The following USO1 variants were observed in gnomAD, a reference collection of about 807,000 sequenced individuals.
USO1 encodes general vesicular transport factor p115.
In USO1, 57 loss-of-function variants were observed where a neutral mutation model predicts 124.5. That is an observed-to-expected ratio of 0.46 (90% confidence interval 0.37 to 0.57). USO1 has a LOEUF of 0.57. Among genes scored for constraint, USO1 ranks in the 20% least tolerant of loss-of-function variants. The probability of loss-of-function intolerance (pLI) is 0.00; values close to 1 mark genes in which losing one functional copy is unlikely to be tolerated. For missense variants in USO1, 900 were observed against 1,040.6 expected, an observed-to-expected ratio of 0.86 and a Z score of 1.86; for synonymous variants, 369 against 362.8, an observed-to-expected ratio of 1.02 and a Z score of -0.19.
intron 12 of USO1, among the ~76,000 whole-genome samples, chr4:75,791,353 G>A (rs548976818): frequency 3.3e-5 from 5 of 152,176 alleles, no homozygotes; most frequent in South Asian, 2.1e-4. Flanking sequence ...GTGAAACCCC[G>A]TCTCTACTAA....
At chr4:75,738,631 C>T (rs1366764113) in intron 1 of USO1, among the ~76,000 whole-genome samples, 1 of 151,980 alleles carries the variant, frequency 6.6e-6, no homozygotes, top group Non-Finnish European at 1.5e-5. Flanking sequence ...GTGTACAACA[C>T]AATGCTTGGC....
At chr4:75,799,961 T>G (rs76562585) in intron 14 of USO1, among the ~76,000 whole-genome samples, 3 of 151,784 alleles carry the variant, frequency 2.0e-5, no homozygotes, top group African/African-American at 7.3e-5. Flanking sequence ...TTTTTTTTTT[T>G]GAAATGAAGT....
intron 13 of USO1, among the ~76,000 whole-genome samples, chr4:75,794,617 A>G (rs1482265593): frequency 1.3e-5 from 2 of 152,218 alleles, no homozygotes; most frequent in Admixed American, 1.3e-4. Context: ...AGAGTCACTC[A>G]GGGAAAGTAA....
chr4:75,801,730 C>A (rs1453926180), intron 17 of USO1, among the ~76,000 whole-genome samples: 1 of 152,204 alleles, frequency 6.6e-6, no homozygotes, highest in Non-Finnish European at 1.5e-5. Flanking sequence ...CAGTTTATGG[C>A]AGGTGTGGCA....
chr4:75,744,975 G>T, intron 1 of USO1: 2 of 475,272 alleles, frequency 4.2e-6, no homozygotes, highest in East Asian at 5.8e-5. Flanking sequence ...TTATTTTTTA[G>T]GACCCCAAGC....
At chr4:75,762,949 G>A (rs1415938545) in intron 4 of USO1, among the ~76,000 whole-genome samples, 2 of 152,166 alleles carry the variant, frequency 1.3e-5, no homozygotes, top group Non-Finnish European at 2.9e-5. Flanking sequence ...AACAAAAAAA[G>A]TATACATGTA....
chr4:75,793,552 A>G (rs1306216178), intron 12 of USO1, 138 bp from the exon 13 acceptor site: 18 of 1,142,146 alleles, frequency 1.6e-5, no homozygotes, highest in Middle Eastern at 2.9e-4. Flanking sequence ...TATATTTAAT[A>G]CTACTCATTA....
chr4:75,743,053 C>T (rs986328199), intron 1 of USO1, among the ~76,000 whole-genome samples: 3 of 150,106 alleles, frequency 2.0e-5, no homozygotes, highest in Non-Finnish European at 3.0e-5. Flanking sequence ...GGCACGATCT[C>T]GGCTCACTGC....
intron 1 of USO1, among the ~76,000 whole-genome samples, chr4:75,743,485 C>T (rs1028070831): frequency 1.3e-5 from 2 of 152,122 alleles, no homozygotes; most frequent in African/African-American, 4.8e-5. Flanking sequence ...CACTCAGTCA[C>T]GGTCTCACTT....
At chr4:75,804,856 A>G (rs577709352) in intron 18 of USO1, among the ~76,000 whole-genome samples, 1 of 152,306 alleles carries the variant, frequency 6.6e-6, no homozygotes, top group South Asian at 2.1e-4. Flanking sequence ...TTATTTTCTC[A>G]TATTCAGTTG....
intron 9 of USO1, among the ~76,000 whole-genome samples, chr4:75,783,088 T>C (rs922739185): frequency 8.5e-5 from 13 of 152,192 alleles, no homozygotes; most frequent in Admixed American, 8.5e-4. Context: ...CGTTTATTCC[T>C]CTCTGCTGTA....
Position 75,745,218 on chromosome 4 carries a change from A to G in USO1, c.67-7155A>G, listed in dbSNP as rs562394766. On this transcript the variant is annotated intron_variant, in intron 1 of 23. Coordinates refer to ENST00000514213, the MANE Select transcript of USO1 (RefSeq NM_003715.4). ...TCCTTGGAATCTTTCTTTTTTATATATATATATAGTACTGATATTTTTCAG... is the reference window on the plus strand; with the variant it reads ...TCCTTGGAATCTTTCTTTTTTATATGTATATATAGTACTGATATTTTTCAG... 2.1e-4 allele frequency: 71 copies of G among 342,688 alleles called. 2 individuals carry two copies. In the Admixed American group the frequency reaches 2.8e-3, roughly 13 times the overall value. The allele number at this position is 342,688 out of a possible 1,614,324, so 21.2% of individuals were successfully genotyped here. A position where few individuals can be genotyped will look rare whatever the true frequency, so the allele number is the denominator to read the frequency against.
At chr4:75,777,533 ATC>A (rs1015306831) in intron 8 of USO1, among the ~76,000 whole-genome samples, 1 of 152,220 alleles carries the variant, frequency 6.6e-6, no homozygotes, top group African/African-American at 2.4e-5. Context: ...TAGACAAATG[ATC>A]TGAACAGACA....
At chr4:75,743,307 G>C (rs1037594557) in intron 1 of USO1, among the ~76,000 whole-genome samples, 3 of 152,098 alleles carry the variant, frequency 2.0e-5, no homozygotes, top group African/African-American at 7.2e-5. Context: ...TCTTTTAACT[G>C]TACAATTAAA....
intron 4 of USO1, chr4:75,767,374 A>G (rs774416616): frequency 7.7e-6 from 3 of 387,290 alleles, no homozygotes; most frequent in Non-Finnish European, 1.5e-5. Context: ...TTAATGTAAA[A>G]TAATGAACAT....
intron 1 of USO1, among the ~76,000 whole-genome samples, chr4:75,739,599 G>A (rs1455843507): frequency 7.4e-6 from 1 of 135,130 alleles, no homozygotes; most frequent in African/African-American, 2.7e-5. Context: ...GGAGTGCAGT[G>A]GCGTGATCTC....
intron 4 of USO1, among the ~76,000 whole-genome samples, chr4:75,764,603 C>G (rs947080068): frequency 6.6e-6 from 1 of 152,122 alleles, no homozygotes; most frequent in Non-Finnish European, 1.5e-5. Context: ...AAGAATCCAT[C>G]AAGTCTATAT....
rs753369609 is a variant in USO1, at chr4:75,739,538, C to CTTTTTTT, written c.67-12821_67-12815dup. 9.4e-3 allele frequency among the ~76,000 whole-genome samples: 985 copies of CTTTTTTT among 105,182 alleles called. 1 individual carries two copies. The highest frequency in any genetic ancestry group is 0.013 in the Non-Finnish European group (711 of 54,120). 69.0% of individuals were successfully genotyped at this position (105,182 alleles called of 152,430 possible). On this transcript the variant is annotated intron_variant, in intron 1 of 23. Transcript: ENST00000514213. ...TTGCATTTTTGTATTTTATCTTTTT[C>CTTTTTTT]TTTTTTTTTTTTTTTTTTTTGAGAC...
chr4:75,787,078 T>C lies in USO1; in HGVS notation c.872T>C (p.Val291Ala), dbSNP rs2149178462. ...CTTTCACAGCTTGTTCGTGTATTGG[T>C]ATCTCCCACCAACCCTCCTGGTGCT... is the stretch of plus-strand genomic sequence containing the variant. ...HLMLQLVRVL[V>A]SPTNPPGATS... Residue 291 changes from valine to alanine, a missense_variant, in exon 10 of 24, where the codon GTA becomes GCA. Physicochemically the swap from Val to Ala is moderately conservative, Grantham distance 64. This residue lies in a region of USO1 where 538 missense variants were observed against 681.6 expected (regional missense o/e 0.79). Coordinates refer to ENST00000514213, the MANE Select transcript of USO1 (RefSeq NM_003715.4). The C allele has an allele frequency of 1.3e-6, 2 of 1,584,812 alleles. No homozygotes were observed. Among genetic ancestry groups the C allele is most frequent in the Non-Finnish European group, 1.7e-6 (2 of 1,170,962 alleles).
Sources: allele counts gnomAD v4.1 joint callset (sites outside exome capture counted in the v4.1 genomes callset), GRCh38; gene constraint gnomAD v4.1.1; regional missense constraint gnomAD v4.1.1; transcripts MANE v1.5; gene names NCBI Gene and HGNC (gene_info 2026-07-23, HGNC 2026-07-21).